DPP3: variants seen among roughly 807,000 people sequenced by gnomAD.
The protein encoded by DPP3 is dipeptidyl peptidase 3.
DPP3 carries 64 observed loss-of-function variants against 89.8 expected under a neutral mutation model. That is an observed-to-expected ratio of 0.71 (90% confidence interval 0.58 to 0.88). The LOEUF is 0.88. Among genes scored for constraint, DPP3 ranks in the 40% least tolerant of loss-of-function variants. The probability of loss-of-function intolerance (pLI) is 0.00; values close to 1 mark genes in which losing one functional copy is unlikely to be tolerated. For missense variants in DPP3, 835 were observed against 972.5 expected, an observed-to-expected ratio of 0.86 and a Z score of 1.88; for synonymous variants, 377 against 404.3, an observed-to-expected ratio of 0.93 and a Z score of 0.81.
chr11:66,504,906 C>A, intron 17 of DPP3, 132 bp downstream of exon 17: 1 of 1,002,528 alleles, frequency 1.0e-6, no homozygotes, highest in South Asian at 2.2e-5. Flanking sequence ...TCCCTTTCTG[C>A]CAAGGTCCTT....
rs748808918 is a variant in DPP3 at position 66,491,367 on chromosome 11, A to G, written c.782A>G (p.Gln261Arg). ...CCCATCCTCCAGAAGGTGGTGGAGC[A>G]GCTGGAGAAAGCCAAGGTTGGACTG... ...YAPILQKVVEQLEKAKAYAAN... is the reference protein window; with the variant it reads ...YAPILQKVVERLEKAKAYAAN... The change falls in exon 7 of 18, where the codon CAG becomes CGG. Residue 261 changes from glutamine to arginine, a missense_variant. Coordinates refer to ENST00000531863, the MANE Select transcript of DPP3 (RefSeq NM_130443.4). 1.2e-6 allele frequency: 2 copies of G among 1,613,662 alleles called. No individual in the cohort carries two copies. Among genetic ancestry groups the G allele is most frequent in the Admixed American group, 3.3e-5 (2 of 59,952 alleles).
At chr11:66,491,816 T>A (rs1196165876) in intron 9 of DPP3, 60 bp downstream of exon 9, 4 of 1,589,274 alleles carry the variant, frequency 2.5e-6, no homozygotes, top group Admixed American at 1.7e-5. Flanking sequence ...AGTCCACGTT[T>A]CCAGTGTCCC....
chr11:66,499,773 A>C (rs983820198), intron 16 of DPP3, among the ~76,000 whole-genome samples: 1 of 152,132 alleles, frequency 6.6e-6, no homozygotes, highest in African/African-American at 2.4e-5. Flanking sequence ...CTGCCTCAAA[A>C]AGAAAAAAAA....
intron 6 of DPP3, among the ~76,000 whole-genome samples, chr11:66,489,713 G>A (rs1028696944): frequency 6.6e-6 from 1 of 152,252 alleles, no homozygotes; most frequent in African/African-American, 2.4e-5. Context: ...GTCGCTGGGT[G>A]ACCATGTCTG....
intron 16 of DPP3, among the ~76,000 whole-genome samples, chr11:66,499,458 G>A (rs572233924): frequency 2.0e-5 from 3 of 152,096 alleles, no homozygotes; most frequent in African/African-American, 7.2e-5. Flanking sequence ...GCTGCAGTTA[G>A]CCACAGTAAA....
chr11:66,485,329 T>A, intron 3 of DPP3, 67 bp downstream of exon 3: 1 of 1,479,634 alleles, frequency 6.8e-7, no homozygotes, highest in Non-Finnish European at 9.3e-7. Flanking sequence ...GAAAATGCAG[T>A]AGAAGGAGCC....
rs769319233 is a variant in DPP3, at chr11:66,504,688, C to G, written c.1955C>G (p.Pro652Arg). Residue 652 changes from proline to arginine, a missense_variant, in exon 17 of 18, where the codon CCC (proline) becomes CGC (arginine). Transcript: ENST00000531863. ...EGYATVTDAP[P>R]ECFLTLRDTV... The stretch of plus-strand genomic sequence containing the variant: ...TATGCAACAGTCACTGATGCGCCCC[C>G]CGAGTGCTTCCTCACCCTCAGGGAC... 4.3e-6 allele frequency: 7 copies of G among 1,613,376 alleles called. No individual in the cohort carries two copies. Among genetic ancestry groups the G allele is most frequent in the Admixed American group, 3.3e-5 (2 of 59,980 alleles).
At chr11:66,503,197 C>T (rs1216274519) in intron 16 of DPP3, among the ~76,000 whole-genome samples, 2 of 151,098 alleles carry the variant, frequency 1.3e-5, no homozygotes, top group African/African-American at 4.9e-5. Flanking sequence ...GAACTCCTGA[C>T]CTCAGGTGAT....
At chr11:66,505,910 C>T (rs1420203226) in intron 17 of DPP3, among the ~76,000 whole-genome samples, 1 of 150,392 alleles carries the variant, frequency 6.6e-6, no homozygotes, top group Non-Finnish European at 1.5e-5. Flanking sequence ...GAGGAAAAAG[C>T]ATTTATTTAT....
chr11:66,501,751 G>C (rs1283875401), intron 16 of DPP3, among the ~76,000 whole-genome samples: 1 of 150,364 alleles, frequency 6.7e-6, no homozygotes, highest in African/African-American at 2.4e-5. Flanking sequence ...CTTGAACCTG[G>C]GAGGTGGAGG....
chr11:66,504,215 C>T (rs946655118), intron 16 of DPP3, among the ~76,000 whole-genome samples: 1 of 152,006 alleles, frequency 6.6e-6, no homozygotes, highest in South Asian at 2.1e-4. Flanking sequence ...ACCTCGGACT[C>T]CCCAAGTGCC....
At chr11:66,498,286 G>A (rs768341053) in intron 16 of DPP3, among the ~76,000 whole-genome samples, 22 of 152,166 alleles carry the variant, frequency 1.4e-4, no homozygotes, top group Non-Finnish European at 2.4e-4. Flanking sequence ...GTGGAGACAG[G>A]GTTTCACCGT....
Position 66,491,530 on chromosome 11 carries a change from G to C in DPP3, c.835G>C (p.Ala279Pro), listed in dbSNP as rs200633983. Residue 279 changes from alanine to proline, a missense_variant, in exon 8 of 18, where the codon GCC becomes CCC. By Grantham distance (27) the Ala-to-Pro change is conservative. Coordinates refer to ENST00000531863, the MANE Select transcript of DPP3 (RefSeq NM_130443.4). Reference sequence around the variant, plus strand: ...CAACAGCCACCAGGGGCAGATGCTGGCCCAGTATATAGAGAGCTTCACCCA... The same window carrying C: ...CAACAGCCACCAGGGGCAGATGCTGCCCCAGTATATAGAGAGCTTCACCCA... The part of the protein sequence containing the change: ...AANSHQGQML[A>P]QYIESFTQGS... 1.2e-6 allele frequency: 2 copies of C among 1,612,730 alleles called. No individual in the cohort carries two copies. Among genetic ancestry groups the C allele is most frequent in the South Asian group, 2.2e-5 (2 of 90,998 alleles).
At chr11:66,488,856 T>G (rs61303821) in intron 6 of DPP3, among the ~76,000 whole-genome samples, 3,031 of 152,224 alleles carry the variant, frequency 0.02, 89 homozygotes, top group African/African-American at 0.069. Flanking sequence ...TAGGTCTTTT[T>G]GTTTTTGTTT....
In DPP3 at chr11:66,482,406, C is replaced by T. The variant is rs1162711414; in HGVS notation, c.206C>T (p.Ala69Val). ...GCTCTGCTCAGCCGCCTCTTCCGCG[C>T]CCAGGACCCCGACCAGCTGCGCCAA... Reference protein sequence around the residue: ...IYALLSRLFRAQDPDQLRQHA... With the variant: ...IYALLSRLFRVQDPDQLRQHA... Residue 69 changes from alanine to valine, a missense_variant, in exon 2 of 18, where the codon GCC (alanine) becomes GTC (valine). Physicochemically the swap from Ala to Val is moderately conservative, Grantham distance 64 (BLOSUM62 0). Coordinates refer to ENST00000531863, the MANE Select transcript of DPP3 (RefSeq NM_130443.4). 6.2e-7 allele frequency: 1 copy of T among 1,610,402 alleles called. No homozygotes were observed. The highest frequency in any genetic ancestry group is 1.3e-5 in the African/African-American group (1 of 74,942).
intron 1 of DPP3, 99 bp from the exon 2 acceptor site, chr11:66,482,094 G>A: frequency 6.7e-7 from 1 of 1,488,034 alleles, no homozygotes; most frequent in Non-Finnish European, 9.1e-7. Context: ...CCTTCCACAT[G>A]GGCTTTTGGG....
chr11:66,505,092 T>G (rs971381655), intron 17 of DPP3, among the ~76,000 whole-genome samples: 4 of 152,036 alleles, frequency 2.6e-5, no homozygotes, highest in African/African-American at 9.7e-5. Context: ...TACCAAAGAA[T>G]TAGACCTGTT....
chr11:66,480,814 C>G, intron 1 of DPP3: 1 of 243,982 alleles, frequency 4.1e-6, no homozygotes, highest in Non-Finnish European at 7.8e-6. Flanking sequence ...TTGCCCTTTC[C>G]AAGCCTCAGT....
rs113853030 is a variant in DPP3, at chr11:66,485,912, A to ATTTTCTTTTC, written c.361-593_361-584dup. On this transcript the variant is annotated intron_variant, in intron 3 of 17. Coordinates refer to ENST00000531863, the MANE Select transcript of DPP3 (RefSeq NM_130443.4). The stretch of plus-strand genomic sequence containing the variant: ...GGGTATGCAGCACCACACCAGCTAA[A>ATTTTCTTTTC]TTTTCTTTTCTTTTCTTTTCTTTTC... Among the ~76,000 whole-genome samples the ATTTTCTTTTC allele has an allele frequency of 7.7e-3, 1,119 of 144,460 alleles. 8 individuals carry two copies. Among genetic ancestry groups the ATTTTCTTTTC allele is most frequent in the African/African-American group, 0.024 (909 of 38,552 alleles). The allele number at this position is 144,460 out of a possible 152,430, so 94.8% of individuals were successfully genotyped here.
Sources: gnomAD v4.1 joint callset for allele counts (sites outside exome capture counted in the v4.1 genomes callset) on GRCh38, gnomAD v4.1.1 for gene constraint, MANE v1.5 for transcripts, NCBI Gene and HGNC (gene_info 2026-07-23, HGNC 2026-07-21) for gene names.